Variants in ZNF277 observed in about 807,000 individuals in gnomAD.
ZNF277 encodes zinc finger protein 277.
Under a neutral mutation model 60.7 loss-of-function variants are expected in ZNF277, and 55 were observed. That is an observed-to-expected ratio of 0.91 (90% CI 0.73 to 1.13). ZNF277 has a LOEUF of 1.13. Ranked by LOEUF, ZNF277 falls within the 50% of genes most tolerant of loss-of-function variation. The pLI is 0.00. For missense variants in ZNF277, 510 were observed against 523.0 expected, an observed-to-expected ratio of 0.98 and a Z score of 0.24; for synonymous variants, 178 against 179.3, an observed-to-expected ratio of 0.99 and a Z score of 0.06.
intron 4 of ZNF277, among the ~76,000 whole-genome samples, chr7:112,316,444 T>C (rs1792846503): frequency 6.6e-6 from 1 of 152,102 alleles, no homozygotes; most frequent in Non-Finnish European, 1.5e-5. Context: ...GTAAGTTCCT[T>C]GTAGATTCTG....
At chr7:112,296,939 T>G (rs1792366378) in intron 4 of ZNF277, among the ~76,000 whole-genome samples, 1 of 109,436 alleles carries the variant, frequency 9.1e-6, no homozygotes, top group South Asian at 3.3e-4. Flanking sequence ...TTTTTTTTTT[T>G]TTTTTTGAGA....
At chr7:112,231,335 G>T (rs1822323460) in intron 1 of ZNF277, among the ~76,000 whole-genome samples, 4 of 152,122 alleles carry the variant, frequency 2.6e-5, no homozygotes, top group Admixed American at 2.6e-4. Context: ...AACCAGAAAG[G>T]GGAAATGCTG....
At chr7:112,221,045 C>G (rs1402595353) in intron 1 of ZNF277, among the ~76,000 whole-genome samples, 1 of 152,130 alleles carries the variant, frequency 6.6e-6, no homozygotes, top group Non-Finnish European at 1.5e-5. Context: ...CTGTTTGCCA[C>G]CATCGCAGAC....
At chr7:112,336,450 C>T (rs1025308580) in intron 8 of ZNF277, among the ~76,000 whole-genome samples, 2 of 152,150 alleles carry the variant, frequency 1.3e-5, no homozygotes, top group African/African-American at 4.8e-5. Context: ...GCTTTGCCTG[C>T]TCAGTTAGTG....
At chr7:112,232,582 G>A (rs1326077041) in intron 1 of ZNF277, among the ~76,000 whole-genome samples, 4 of 152,286 alleles carry the variant, frequency 2.6e-5, no homozygotes, top group Admixed American at 6.5e-5. Context: ...ATTATAGCAA[G>A]GATTGAAACG....
chr7:112,297,591 A>G (rs1401849487), intron 4 of ZNF277, among the ~76,000 whole-genome samples: 1 of 152,190 alleles, frequency 6.6e-6, no homozygotes, highest in Non-Finnish European at 1.5e-5. Context: ...ATGTTGATTT[A>G]TATCTAAGAA....
At chr7:112,319,411 T>C (rs1792923860) in intron 5 of ZNF277, among the ~76,000 whole-genome samples, 2 of 152,012 alleles carry the variant, frequency 1.3e-5, no homozygotes, top group African/African-American at 4.8e-5. Context: ...GCATCAGCAA[T>C]GTTTACAAAT....
intron 1 of ZNF277, among the ~76,000 whole-genome samples, chr7:112,240,884 C>T (rs1790930304): frequency 6.6e-6 from 1 of 152,076 alleles, no homozygotes; most frequent in Admixed American, 6.6e-5. Context: ...AATCTAAGAC[C>T]TCAAACTGTA....
chr7:112,258,725 C>G (rs893250006), intron 1 of ZNF277, among the ~76,000 whole-genome samples: 1 of 151,980 alleles, frequency 6.6e-6, no homozygotes, highest in African/African-American at 2.4e-5. Flanking sequence ...TTAAAATAAT[C>G]TTATCTATGG....
Position 112,216,775 on chromosome 7 carries a change from C to G in ZNF277, c.91+9968C>G, listed in dbSNP as rs1334422329. ...AGCCGACATAATTCAGTCCTAGCAT[C>G]TGTAAAAAGAAAAAGAAAAATCTGG... On this transcript the variant is annotated intron_variant, in intron 1 of 11. Transcript: ENST00000361822. Among the ~76,000 whole-genome samples, 6 of 152,132 alleles carry G rather than the reference C, an allele frequency of 3.9e-5. No individual in the cohort carries two copies. In the East Asian group the frequency reaches 1.2e-3, roughly 29 times the overall value.
At chr7:112,214,973 A>G (rs1328273823) in intron 1 of ZNF277, among the ~76,000 whole-genome samples, 1 of 152,080 alleles carries the variant, frequency 6.6e-6, no homozygotes, top group Non-Finnish European at 1.5e-5. Flanking sequence ...AAAAAAAATG[A>G]TGTTGATATT....
intron 1 of ZNF277, among the ~76,000 whole-genome samples, chr7:112,248,404 C>A (rs1411476040): frequency 6.7e-6 from 1 of 149,260 alleles, no homozygotes; most frequent in African/African-American, 2.5e-5. Context: ...AATTAAGGGT[C>A]AGAAGAATGA....
rs192377264 is a variant in ZNF277 at position 112,251,919 on chromosome 7, G to T, written c.92-34954G>T. On this transcript the variant is annotated intron_variant, in intron 1 of 11. Transcript: ENST00000361822. ...TTAAAGACAGCTTATAAGAGAGTGT[G>T]GTACATAACACAAAGGAATGGATTG... Among the ~76,000 whole-genome samples the T allele has an allele frequency of 4.6e-5, 7 of 152,204 alleles. No homozygotes were observed. In the East Asian group the frequency reaches 9.6e-4, roughly 21 times the overall value.
At chr7:112,320,550 A>G (rs2117115392) in intron 5 of ZNF277, among the ~76,000 whole-genome samples, 1 of 152,232 alleles carries the variant, frequency 6.6e-6, no homozygotes, top group East Asian at 1.9e-4. Context: ...ATGTAGAAAG[A>G]AGGAGATGGA....
At chr7:112,242,305 C>T (rs543985567) in intron 1 of ZNF277, among the ~76,000 whole-genome samples, 2 of 151,990 alleles carry the variant, frequency 1.3e-5, no homozygotes, top group East Asian at 1.9e-4. Flanking sequence ...AGTGTTACAT[C>T]GAACAGGAAA....
chr7:112,304,097 GTTTA>G (rs995246858), intron 4 of ZNF277, among the ~76,000 whole-genome samples: 40 of 152,040 alleles, frequency 2.6e-4, no homozygotes, highest in Non-Finnish European at 4.6e-4. Flanking sequence ...GCTTTTCCTT[GTTTA>G]TTTAAGATTC....
At chr7:112,288,954 A>AAAAAAG in intron 2 of ZNF277, 1 of 144,844 alleles carries the variant, frequency 6.9e-6, no homozygotes, top group Non-Finnish European at 1.5e-5. Context: ...CCTTTCTTAA[A>AAAAAAG]AAAAAAAAAA....
intron 4 of ZNF277, among the ~76,000 whole-genome samples, chr7:112,311,563 A>G (rs559114680): frequency 3.3e-5 from 5 of 152,192 alleles, no homozygotes; most frequent in African/African-American, 1.2e-4. Flanking sequence ...TAAATCCACA[A>G]AGTAGATGGG....
intron 4 of ZNF277, among the ~76,000 whole-genome samples, chr7:112,307,210 G>T (rs1792616649): frequency 6.6e-6 from 1 of 152,044 alleles, no homozygotes; most frequent in Non-Finnish European, 1.5e-5. Flanking sequence ...CATGGGGGGA[G>T]TTGGACCCCT....
Sources: gnomAD v4.1 joint callset for allele counts (sites outside exome capture counted in the v4.1 genomes callset) on GRCh38, gnomAD v4.1.1 for gene constraint, MANE v1.5 for transcripts, NCBI Gene and HGNC (gene_info 2026-07-23, HGNC 2026-07-21) for gene names.